CTNND2: variants seen among roughly 807,000 people sequenced by gnomAD.
CTNND2 encodes the protein catenin delta-2.
In CTNND2, 22 loss-of-function variants were observed where a neutral mutation model predicts 144.4. The observed-to-expected ratio is 0.15, with a 90% CI of 0.11 to 0.22. The LOEUF is 0.22. CTNND2 is among the 10% of genes least tolerant of loss of function. The pLI, the probability that CTNND2 is intolerant of heterozygous loss-of-function variation, is 1.00. For missense variants in CTNND2, 1,353 were observed against 1,618.8 expected (o/e 0.84, Z 2.82); for synonymous variants, 751 against 695.6 (o/e 1.08, Z -1.25).
At chr5:11,386,762 T>C (rs571728508) in intron 6 of CTNND2, among the ~76,000 whole-genome samples, 2 of 152,212 alleles carry the variant, frequency 1.3e-5, no homozygotes, top group East Asian at 3.9e-4. Context: ...CCCCAGCAAC[T>C]AGAACAGGGC....
chr5:11,126,308 A>C (rs111568003), intron 12 of CTNND2, among the ~76,000 whole-genome samples: 1,653 of 152,326 alleles, frequency 0.011, 38 homozygotes, highest in African/African-American at 0.038. Context: ...TCTCAAAAAA[A>C]AAGAAAATAG....
intron 2 of CTNND2, among the ~76,000 whole-genome samples, chr5:11,615,265 A>T (rs1300797948): frequency 6.6e-6 from 1 of 152,224 alleles, no homozygotes; most frequent in African/African-American, 2.4e-5. Context: ...TTACTTTTGC[A>T]ATGGCCTAAT....
chr5:11,224,614 G>C (rs1485094559), intron 10 of CTNND2, among the ~76,000 whole-genome samples: 4 of 152,196 alleles, frequency 2.6e-5, no homozygotes, highest in African/African-American at 9.7e-5. Context: ...TCACCCAGCT[G>C]TTTCCTGCAG....
intron 9 of CTNND2, among the ~76,000 whole-genome samples, chr5:11,335,520 T>G (rs1753651652): frequency 6.6e-6 from 1 of 152,118 alleles, no homozygotes; most frequent in Non-Finnish European, 1.5e-5. Flanking sequence ...TGTGGTAGAA[T>G]AAATAAGGAC....
chr5:11,613,659 T>C (rs1470163572), intron 2 of CTNND2, among the ~76,000 whole-genome samples: 1 of 152,196 alleles, frequency 6.6e-6, no homozygotes, highest in African/African-American at 2.4e-5. Context: ...AGATAACCAA[T>C]GTAACTAGCC....
chr5:11,686,687 C>T (rs1351024686), intron 2 of CTNND2, among the ~76,000 whole-genome samples: 2 of 150,650 alleles, frequency 1.3e-5, no homozygotes, highest in Non-Finnish European at 3.0e-5. Context: ...AAATATTTAA[C>T]AATATACTTT....
chr5:11,617,672 AAATGTCTTCAAGGGAAC>A (rs1419238878), intron 2 of CTNND2, among the ~76,000 whole-genome samples: 1 of 152,172 alleles, frequency 6.6e-6, no homozygotes, highest in Non-Finnish European at 1.5e-5. Flanking sequence ...CCAGTTTGCA[AAATGTCTTCAAGGGAAC>A]AATATTTCCA....
intron 7 of CTNND2, among the ~76,000 whole-genome samples, chr5:11,366,984 T>G (rs761415334): frequency 2.6e-5 from 4 of 152,214 alleles, no homozygotes; most frequent in Non-Finnish European, 5.9e-5. Flanking sequence ...AGTCTACCTA[T>G]GTGGATATCA....
intron 13 of CTNND2, 102 bp from the exon 14 acceptor site, chr5:11,111,145 T>C: frequency 8.0e-7 from 1 of 1,242,866 alleles, no homozygotes; most frequent in Non-Finnish European, 1.1e-6. Context: ...CACATTTCTC[T>C]TTGGAAGTGT....
intron 7 of CTNND2, among the ~76,000 whole-genome samples, chr5:11,382,888 A>C (rs1314011438): frequency 1.3e-5 from 2 of 152,098 alleles, no homozygotes; most frequent in African/African-American, 4.8e-5. Context: ...TCTCAGAAGC[A>C]TCGAGTTTGT....
At chr5:11,902,462 G>C (rs1478248213) in intron 1 of CTNND2, among the ~76,000 whole-genome samples, 1 of 152,170 alleles carries the variant, frequency 6.6e-6, no homozygotes, top group African/African-American at 2.4e-5. Context: ...TTATGTAGGT[G>C]AATGACCAGC....
intron 1 of CTNND2, among the ~76,000 whole-genome samples, chr5:11,841,922 T>G (rs567232691): frequency 1.3e-5 from 2 of 151,746 alleles, no homozygotes; most frequent in African/African-American, 4.8e-5. Flanking sequence ...GAATAGTACC[T>G]CTCATCCCTA....
chr5:11,732,079 A>C, intron 2 of CTNND2, 57 bp downstream of exon 2: 4 of 1,557,892 alleles, frequency 2.6e-6, no homozygotes, highest in Admixed American at 3.6e-5. Flanking sequence ...GTTCATCTAG[A>C]AAAACAATTT....
chr5:11,900,928 A>G (rs909840325), intron 1 of CTNND2, among the ~76,000 whole-genome samples: 5 of 152,212 alleles, frequency 3.3e-5, no homozygotes, highest in African/African-American at 7.2e-5. Flanking sequence ...GAAAAGTGAG[A>G]CTAGCATCAA....
chr5:11,633,283 A>G (rs1412934169), intron 2 of CTNND2, among the ~76,000 whole-genome samples: 1 of 152,202 alleles, frequency 6.6e-6, no homozygotes, highest in Non-Finnish European at 1.5e-5. Flanking sequence ...GAATGCCAAC[A>G]AAATTAACAA....
At chr5:11,474,965 C>G (rs190274571) in intron 3 of CTNND2, among the ~76,000 whole-genome samples, 276 of 152,312 alleles carry the variant, frequency 1.8e-3, no homozygotes, top group African/African-American at 5.9e-3. Flanking sequence ...GTTTTCACAT[C>G]TGCTCTGCAA....
chr5:11,884,438 T>C (rs1736364689), intron 1 of CTNND2, among the ~76,000 whole-genome samples: 1 of 152,206 alleles, frequency 6.6e-6, no homozygotes, highest in African/African-American at 2.4e-5. Context: ...TAGGGAATCC[T>C]TTCCCCTTTG....
At chr5:11,188,314 G>A (rs1173879235) in intron 11 of CTNND2, among the ~76,000 whole-genome samples, 1 of 152,142 alleles carries the variant, frequency 6.6e-6, no homozygotes, top group African/African-American at 2.4e-5. Context: ...AAACATGGAT[G>A]GAGCTGGAAG....
chr5:11,557,698 A>C (rs1287665536), intron 3 of CTNND2, among the ~76,000 whole-genome samples: 4 of 152,104 alleles, frequency 2.6e-5, no homozygotes, highest in African/African-American at 9.7e-5. Context: ...AAAATAACCT[A>C]ATTAGGAGAG....
Sources: allele counts gnomAD v4.1 joint callset (sites outside exome capture counted in the v4.1 genomes callset), GRCh38; gene constraint gnomAD v4.1.1; transcripts MANE v1.5; gene names NCBI Gene and HGNC (gene_info 2026-07-23, HGNC 2026-07-21).